The following CCDC149 variants were observed in gnomAD, a reference collection of about 807,000 sequenced individuals.
CCDC149 encodes coiled-coil domain containing 149, also known as coiled-coil domain-containing protein 149.
A neutral mutation model predicts 59.9 loss-of-function variants in CCDC149; 45 were observed. The observed-to-expected ratio is 0.75, with a 90% CI of 0.59 to 0.96. The LOEUF is 0.96. Ranked by LOEUF, CCDC149 falls within the 40% of genes least tolerant of loss-of-function variation. CCDC149 has a pLI of 0.00. For synonymous variants in CCDC149, 245 were observed against 260.6 expected, an observed-to-expected ratio of 0.94 and a Z score of 0.58; for missense variants, 584 against 664.7, an observed-to-expected ratio of 0.88 and a Z score of 1.33.
In CCDC149 at chr4:24,934,898, C is replaced by A. The variant is rs372464400; in HGVS notation, c.-64-39780G>T. On this transcript the variant is annotated intron_variant, in intron 1 of 12. Coordinates refer to the CCDC149 transcript ENST00000389609. Reference sequence around the variant, plus strand: ...CAGTTGATGGAGACAGAGAGGTAGTCAGATTATCATGAGACTTGAAGGTCA... The same window carrying A: ...CAGTTGATGGAGACAGAGAGGTAGTAAGATTATCATGAGACTTGAAGGTCA... 3.3e-5 allele frequency among the ~76,000 whole-genome samples: 5 copies of A among 152,286 alleles called. No individual in the cohort carries two copies. In the East Asian group the frequency reaches 9.6e-4, roughly 29 times the overall value.
intron 9 of CCDC149, chr4:24,827,065 T>C (rs557204873): frequency 6.6e-6 from 1 of 152,340 alleles, no homozygotes; most frequent in East Asian, 1.9e-4. Context: ...TCTCTCAGGA[T>C]GCCCAGTCTC....
At chr4:24,918,508 A>T (rs148329266) in intron 1 of CCDC149, among the ~76,000 whole-genome samples, 1 of 152,310 alleles carries the variant, frequency 6.6e-6, no homozygotes, top group African/African-American at 2.4e-5. Context: ...AAGACAGCAC[A>T]TCAAACCATT....
intron 2 of CCDC149, among the ~76,000 whole-genome samples, chr4:24,874,090 CACACAT>C (rs1719226612): frequency 6.6e-6 from 1 of 151,716 alleles, no homozygotes; most frequent in South Asian, 2.1e-4. Context: ...GTGATGGGGA[CACACAT>C]ACACATATAG....
rs576908509 is a variant in CCDC149 at position 24,906,400 on chromosome 4, A to ATTTTATTTTG, written c.63+6416_63+6417insCAAAATAAAA. On this transcript the variant is annotated intron_variant, in intron 1 of 12. Transcript: ENST00000635206. ...ATTTTATTTTATTTTATTTTATTTT[A>ATTTTATTTTG]TTTTATTTTACTTTATTTGAGACAG... 4.7e-3 allele frequency among the ~76,000 whole-genome samples: 184 copies of ATTTTATTTTG among 38,944 alleles called. 9 individuals carry two copies. In the South Asian group the frequency reaches 0.08, roughly 17 times the overall value. 25.5% of individuals were successfully genotyped at this position (38,944 alleles called of 152,430 possible).
rs557210666 is a variant in CCDC149, at chr4:24,850,980, A to G, written c.372+2092T>C. ...CAGTTAGACTTTTTTTTTTTTAGGG[A>G]GAGAGGCCAGATACTGAAATGGGGA... On this transcript the variant is annotated intron_variant, in intron 4 of 12. Coordinates refer to ENST00000635206, the MANE Select transcript of CCDC149 (RefSeq NM_001330643.2). Among the ~76,000 whole-genome samples the G allele has an allele frequency of 8.4e-3, 1,269 of 151,136 alleles. 8 individuals carry two copies. Among genetic ancestry groups the G allele is most frequent in the Admixed American group, 0.019 (288 of 15,192 alleles).
intron 4 of CCDC149, among the ~76,000 whole-genome samples, chr4:24,838,787 AAAAC>A (rs1301779182): frequency 2.6e-5 from 4 of 151,930 alleles, no homozygotes; most frequent in Non-Finnish European, 5.9e-5. Flanking sequence ...TTAAAAAAAA[AAAAC>A]AAAAAAAAAC....
intron 9 of CCDC149, 32 bp downstream of exon 9, chr4:24,831,474 C>T (rs1716141814): frequency 6.2e-7 from 1 of 1,610,328 alleles, no homozygotes; most frequent in African/African-American, 1.3e-5. Context: ...TCCTTCGCGC[C>T]CACCCCCCAA....
intron 1 of CCDC149, among the ~76,000 whole-genome samples, chr4:24,890,822 A>G (rs1720481928): frequency 6.6e-6 from 1 of 152,228 alleles, no homozygotes; most frequent in Admixed American, 6.5e-5. Context: ...TGCAGACTTG[A>G]GATCTTGAAA....
intron 1 of CCDC149, among the ~76,000 whole-genome samples, chr4:24,880,087 C>A (rs1719747876): frequency 6.6e-6 from 1 of 152,188 alleles, no homozygotes. Context: ...AGCCAAAAAT[C>A]TTATACAGTC....
At chr4:24,929,827 T>C (rs1722534203) in intron 1 of CCDC149, among the ~76,000 whole-genome samples, 1 of 152,204 alleles carries the variant, frequency 6.6e-6, no homozygotes, top group Admixed American at 6.5e-5. Context: ...TTTTATTGCT[T>C]ATATAATATT....
intron 1 of CCDC149, among the ~76,000 whole-genome samples, chr4:24,976,372 G>A (rs1002915846): frequency 2.0e-5 from 3 of 152,122 alleles, no homozygotes; most frequent in Non-Finnish European, 4.4e-5. Context: ...TGAAGGGCTG[G>A]AGAAGGTGGA....
At position 24,949,647 on chromosome 4, in the gene CCDC149, C is replaced by T. The variant is rs115672174; in HGVS notation, c.-65+30422G>A. 5.1e-3 allele frequency among the ~76,000 whole-genome samples: 772 copies of T among 152,252 alleles called. 3 individuals are homozygous for T. The highest frequency in any genetic ancestry group is 0.045 in the South Asian group (219 of 4,816). On this transcript the variant is annotated intron_variant, in intron 1 of 12. Coordinates refer to the CCDC149 transcript ENST00000389609. Reference sequence around the variant, plus strand: ...CATTTGCAAACACACAAGCCAACTACGAAAACCTCAGAGCCAGAAAGAAAG... The same window carrying T: ...CATTTGCAAACACACAAGCCAACTATGAAAACCTCAGAGCCAGAAAGAAAG...
chr4:24,864,734 C>A (rs970711876), intron 3 of CCDC149, among the ~76,000 whole-genome samples: 1 of 152,170 alleles, frequency 6.6e-6, no homozygotes, highest in African/African-American at 2.4e-5. Flanking sequence ...AAAGTCATCC[C>A]AAATCTTCAG....
intron 1 of CCDC149, among the ~76,000 whole-genome samples, chr4:24,949,242 T>G (rs1723204704): frequency 6.6e-6 from 1 of 152,176 alleles, no homozygotes; most frequent in Non-Finnish European, 1.5e-5. Flanking sequence ...ATCTCTTTCC[T>G]GCTGGGACAG....
At chr4:24,818,262 A>G (rs1349491926) in intron 12 of CCDC149, among the ~76,000 whole-genome samples, 2 of 152,160 alleles carry the variant, frequency 1.3e-5, no homozygotes, top group African/African-American at 2.4e-5. Flanking sequence ...AAAAAGAAGG[A>G]AGAAAGCAGG....
chr4:24,912,987 C>G lies in CCDC149; in HGVS notation c.-108G>C, dbSNP rs954344783. On this transcript the variant is annotated 5_prime_UTR_variant, in exon 1 of 13. Coordinates refer to ENST00000635206, the MANE Select transcript of CCDC149 (RefSeq NM_001330643.2). ...CCCGAGAGGGCCCGGCGCCTCCGAG[C>G]CGCTGCGCCGCCGCCTCTCGCGGCC... 34 of 340,588 alleles carry G rather than the reference C, an allele frequency of 1.0e-4. No individual in the cohort carries two copies. Among genetic ancestry groups the G allele is most frequent in the Non-Finnish European group, 1.3e-4 (30 of 232,464 alleles). The allele number at this position is 340,588 out of a possible 1,614,324, so 21.1% of individuals were successfully genotyped here. A position where few individuals can be genotyped will look rare whatever the true frequency, so the allele number is the denominator to read the frequency against.
chr4:24,873,574 A>G (rs1311864622), intron 3 of CCDC149, 107 bp downstream of exon 3: 1 of 807,346 alleles, frequency 1.2e-6, no homozygotes, highest in Non-Finnish European at 2.1e-6. Context: ...AATAACAGAA[A>G]GAATTCCAGG....
At chr4:24,887,937 C>G (rs1720292267) in intron 1 of CCDC149, among the ~76,000 whole-genome samples, 1 of 152,188 alleles carries the variant, frequency 6.6e-6, no homozygotes, top group South Asian at 2.1e-4. Context: ...GTTCAGCCCA[C>G]CTACTGCTGC....
intron 8 of CCDC149, among the ~76,000 whole-genome samples, chr4:24,832,973 A>T (rs185289030): frequency 6.6e-5 from 10 of 152,256 alleles, no homozygotes; most frequent in African/African-American, 2.4e-4. Flanking sequence ...GCATGGCCCC[A>T]TTCTACATCT....
Sources: gnomAD v4.1 joint callset for allele counts (sites outside exome capture counted in the v4.1 genomes callset) on GRCh38, gnomAD v4.1.1 for gene constraint, MANE v1.5 for transcripts, NCBI Gene and HGNC (gene_info 2026-07-23, HGNC 2026-07-21) for gene names.